ITIH5: variants seen among roughly 807,000 people sequenced by gnomAD.
ITIH5 encodes the protein inter-alpha-trypsin inhibitor heavy chain H5.
A neutral mutation model predicts 77.5 loss-of-function variants in ITIH5; 65 were observed. The observed-to-expected ratio is 0.84, with a 90% CI of 0.69 to 1.03. The LOEUF (loss-of-function observed/expected upper bound fraction) is 1.03. Among genes scored for constraint, ITIH5 ranks in the 50% least tolerant of loss-of-function variants. The pLI is 0.00. For missense variants in ITIH5, 1,208 were observed against 1,213.1 expected (o/e 1.00, Z 0.06); for synonymous variants, 525 against 494.3 (o/e 1.06, Z -0.82).
chr10:7,596,417 C>T (rs1362325405), intron 7 of ITIH5, among the ~76,000 whole-genome samples: 1 of 152,178 alleles, frequency 6.6e-6, no homozygotes, highest in Non-Finnish European at 1.5e-5. Flanking sequence ...CGGCTTCCTC[C>T]CACTTCCATC....
intron 4 of ITIH5, among the ~76,000 whole-genome samples, chr10:7,639,899 G>C (rs1229860464): frequency 6.6e-6 from 1 of 152,094 alleles, no homozygotes; most frequent in Non-Finnish European, 1.5e-5. Flanking sequence ...GACAGTGGAG[G>C]TTAGGAGAGG....
In ITIH5 at chr10:7,559,866, T is replaced by TG. The variant is rs543261983; in HGVS notation, c.*3216_*3217insC. On this transcript the variant is annotated 3_prime_UTR_variant, in exon 14 of 14. Coordinates refer to ENST00000397146, the MANE Select transcript of ITIH5 (RefSeq NM_030569.7). ...GTCTTTTTTTTGTTTTGTTTTGTTTTTTTTTGACGGAGTTTGGCTCTGTCA... is the reference window on the plus strand; with the variant it reads ...GTCTTTTTTTTGTTTTGTTTTGTTTTGTTTTTGACGGAGTTTGGCTCTGTCA... 346 of 452,922 alleles carry TG rather than the reference T, an allele frequency of 7.6e-4. 2 individuals carry two copies. Among genetic ancestry groups the TG allele is most frequent in the African/African-American group, 6.5e-3 (315 of 48,550 alleles). 28.1% of individuals were successfully genotyped at this position (452,922 alleles called of 1,614,324 possible).
rs1471254473 is a variant in ITIH5, at chr10:7,628,969, T to C, written c.652+8259A>G. Among the ~76,000 whole-genome samples the C allele has an allele frequency of 2.2e-5, 3 of 134,132 alleles. No individual in the cohort carries two copies. The East Asian group carries it at 6.5e-4, about 29-fold the overall frequency. 88.0% of individuals were successfully genotyped at this position (134,132 alleles called of 152,430 possible). On this transcript the variant is annotated intron_variant, in intron 5 of 13. Transcript: ENST00000397146. The stretch of plus-strand genomic sequence containing the variant: ...CATGTTGTAGCGTGTGTCCGTGTTG[T>C]AGCATGTGTCCGTGTTGTGGCATGC...
At position 7,560,974 on chromosome 10, in the gene ITIH5, T is replaced by A. The variant is rs1391543616; in HGVS notation, c.*2109A>T. On this transcript the variant is annotated 3_prime_UTR_variant, in exon 14 of 14. Transcript: ENST00000397146. ...AACAGAAAATACTATATTTTTTTTT[T>A]ATCAAATGCAAAGGTCCTAACTATA... 2.1e-5 allele frequency: 3 copies of A among 140,672 alleles called. No homozygotes were observed. Among genetic ancestry groups the A allele is most frequent in the South Asian group, 2.3e-4 (1 of 4,306 alleles). 8.7% of individuals were successfully genotyped at this position (140,672 alleles called of 1,614,324 possible).
intron 7 of ITIH5, among the ~76,000 whole-genome samples, chr10:7,607,106 G>A (rs1833141217): frequency 6.6e-6 from 1 of 152,188 alleles, no homozygotes; most frequent in Non-Finnish European, 1.5e-5. Context: ...TCTTGACAAG[G>A]GCAGCCCAGT....
chr10:7,599,221 T>G (rs1832967313), intron 7 of ITIH5, among the ~76,000 whole-genome samples: 1 of 152,200 alleles, frequency 6.6e-6, no homozygotes, highest in African/African-American at 2.4e-5. Flanking sequence ...TTACATTCAT[T>G]GTCAATTCCA....
intron 13 of ITIH5, among the ~76,000 whole-genome samples, chr10:7,565,079 T>TATATA (rs1002142411): frequency 6.8e-6 from 1 of 146,412 alleles, no homozygotes; most frequent in Non-Finnish European, 1.5e-5. Context: ...TGTATATATA[T>TATATA]ATATACACAC....
rs750105924 is a variant in ITIH5, at chr10:7,585,975, T to G, written c.1034A>C (p.Asp345Ala). Reference protein sequence around the residue: ...GFSNRIKVWKDHLISVTPDSI... With the variant: ...GFSNRIKVWKAHLISVTPDSI... ...GTCTGGAGTGACTGATATCAAGTGG[T>G]CCTTCCATACTTTGATCCGGTTGGA... Residue 345 changes from aspartate to alanine, a missense_variant, in exon 8 of 14, where the codon GAC becomes GCC. By Grantham distance (126) the Asp-to-Ala change is moderately radical (BLOSUM62 -2). Transcript: ENST00000397146. 1.6e-5 allele frequency: 26 copies of G among 1,614,016 alleles called. No individual in the cohort carries two copies. The highest frequency in any genetic ancestry group is 2.2e-5 in the Non-Finnish European group (26 of 1,179,988).
intron 8 of ITIH5, among the ~76,000 whole-genome samples, chr10:7,582,070 T>G (rs112428093): frequency 0.068 from 10,363 of 151,410 alleles, 1,230 homozygotes; most frequent in African/African-American, 0.24. Flanking sequence ...TAGAGACGGG[T>G]TTCACCATGT....
Position 7,603,644 on chromosome 10 carries a change from C to T in ITIH5, c.939+12338G>A, listed in dbSNP as rs536580822. On this transcript the variant is annotated intron_variant, in intron 7 of 13. Coordinates refer to ENST00000397146, the MANE Select transcript of ITIH5 (RefSeq NM_030569.7). Reference sequence around the variant, plus strand: ...TGTCGTCCAGGCTGGAGTGCAGTGGCGCGATCTTGGCTCACTGCAAGCTCC... The same window carrying T: ...TGTCGTCCAGGCTGGAGTGCAGTGGTGCGATCTTGGCTCACTGCAAGCTCC... Among the ~76,000 whole-genome samples the T allele has an allele frequency of 2.8e-4, 43 of 152,220 alleles. 1 individual carries two copies. Among genetic ancestry groups the T allele is most frequent in the South Asian group, 8.3e-4 (4 of 4,802 alleles).
intron 2 of ITIH5, among the ~76,000 whole-genome samples, chr10:7,649,543 T>C (rs770004938): frequency 2.0e-5 from 3 of 152,016 alleles, no homozygotes; most frequent in African/African-American, 7.2e-5. Context: ...GGTAGGTAGA[T>C]AGATAGATAG....
intron 2 of ITIH5, 45 bp downstream of exon 2, chr10:7,655,586 A>G (rs757768143): frequency 6.7e-7 from 1 of 1,485,520 alleles, no homozygotes; most frequent in South Asian, 1.1e-5. Context: ...AATAAATAGA[A>G]GAATGAGGGA....
chr10:7,605,990 T>G (rs960688671), intron 7 of ITIH5, among the ~76,000 whole-genome samples: 3 of 152,190 alleles, frequency 2.0e-5, no homozygotes, highest in Non-Finnish European at 4.4e-5. Context: ...TCTGAGCAGG[T>G]GATGCCGGAG....
chr10:7,611,914 T>TTC (rs138540192), intron 7 of ITIH5, among the ~76,000 whole-genome samples: 2 of 4,630 alleles, frequency 4.3e-4, no homozygotes, highest in Admixed American at 0.019. Context: ...CCACCTGCAA[T>TTC]TTTTTTTTTT....
chr10:7,628,618 T>C (rs1251708645), intron 5 of ITIH5, among the ~76,000 whole-genome samples: 1 of 152,270 alleles, frequency 6.6e-6, no homozygotes, highest in Non-Finnish European at 1.5e-5. Flanking sequence ...ATCCATGTTA[T>C]GGGATGTGTC....
chr10:7,568,484 A>G (rs1440475085), intron 12 of ITIH5, among the ~76,000 whole-genome samples: 1 of 152,244 alleles, frequency 6.6e-6, no homozygotes, highest in Non-Finnish European at 1.5e-5. Context: ...GGACATATAC[A>G]GTTAGGCCCC....
chr10:7,614,114 A>T (rs1183936141), intron 7 of ITIH5, among the ~76,000 whole-genome samples: 1 of 152,254 alleles, frequency 6.6e-6, no homozygotes, highest in Non-Finnish European at 1.5e-5. Flanking sequence ...GATAAAAGTA[A>T]AATAAATCAT....
Position 7,655,686 on chromosome 10 carries a change from G to C in ITIH5, c.91-11C>G. 1 of 1,606,606 alleles carries C rather than the reference G, an allele frequency of 6.2e-7. No homozygotes were observed. The highest frequency in any genetic ancestry group is 8.5e-7 in the Non-Finnish European group (1 of 1,173,552). On this transcript the variant is annotated splice_polypyrimidine_tract_variant and intron_variant, in intron 1 of 13. Coordinates refer to ENST00000397146, the MANE Select transcript of ITIH5 (RefSeq NM_030569.7). The stretch of plus-strand genomic sequence containing the variant: ...GACCCTGAGTCCATCCTAGAAAAGA[G>C]AAGAGACTGTTAAAAAGGTGATTTT...
chr10:7,572,381 C>G, intron 11 of ITIH5: 1 of 1,366,906 alleles, frequency 7.3e-7, no homozygotes, highest in South Asian at 1.1e-5. Flanking sequence ...ATCTGTTCTT[C>G]CCTTCTGAAG....
Sources: allele counts gnomAD v4.1 joint callset (sites outside exome capture counted in the v4.1 genomes callset), GRCh38; gene constraint gnomAD v4.1.1; transcripts MANE v1.5; gene names NCBI Gene and HGNC (gene_info 2026-07-23, HGNC 2026-07-21).